PDE3A: variants seen among roughly 807,000 people sequenced by gnomAD.
The protein encoded by PDE3A is phosphodiesterase 3A, also known as cGMP-inhibited 3',5'-cyclic phosphodiesterase 3A.
In PDE3A, 43 loss-of-function variants were observed where a neutral mutation model predicts 98.3. The ratio of observed to expected loss-of-function variants is 0.44; its 90% CI spans 0.34 to 0.56. The LOEUF (loss-of-function observed/expected upper bound fraction) is 0.56. PDE3A is among the 20% of genes least tolerant of loss of function. PDE3A has a pLI of 0.01. For missense variants in PDE3A, 1,427 were observed against 1,440.7 expected, an observed-to-expected ratio of 0.99 and a Z score of 0.15; for synonymous variants, 663 against 567.9, an observed-to-expected ratio of 1.17 and a Z score of -2.38.
chr12:20,472,537 A>T (rs536327951), intron 1 of PDE3A, among the ~76,000 whole-genome samples: 4 of 152,210 alleles, frequency 2.6e-5, no homozygotes, highest in African/African-American at 7.2e-5. Context: ...CAGTTGTTAA[A>T]TCTGTCTCTG....
chr12:20,370,017 G>C lies in PDE3A; in HGVS notation c.733G>C (p.Gly245Arg). 1 of 1,612,992 alleles carries C rather than the reference G, an allele frequency of 6.2e-7. No homozygotes were observed. Among genetic ancestry groups the C allele is most frequent in the Non-Finnish European group, 8.5e-7 (1 of 1,179,948 alleles). Residue 245 changes from glycine to arginine, a missense_variant, in exon 1 of 16, where the codon GGC (glycine) becomes CGC (arginine). Gly to Arg is a moderately radical substitution (Grantham distance 125, BLOSUM62 -2). This residue lies in a region of PDE3A where 1,012 missense variants were observed against 886.5 expected (regional missense o/e 1.14). Transcript: ENST00000359062. ...AWRPYLAYLAGVLGILLARYV... is the reference protein window; with the variant it reads ...AWRPYLAYLARVLGILLARYV... ...GAGACCTTACCTGGCGTACCTGGCC[G>C]GCGTGCTGGGGATCCTCTTGGCCAG...
chr12:20,501,588 G>C (rs1302377366), intron 1 of PDE3A, among the ~76,000 whole-genome samples: 1 of 152,080 alleles, frequency 6.6e-6, no homozygotes, highest in Non-Finnish European at 1.5e-5. Flanking sequence ...TTCGTAGAGC[G>C]AGGTAGTTAA....
chr12:20,424,676 T>C (rs1051960807), intron 1 of PDE3A, among the ~76,000 whole-genome samples: 8 of 152,228 alleles, frequency 5.3e-5, no homozygotes, highest in African/African-American at 1.9e-4. Context: ...TCAGAATATC[T>C]ACTTACCAGA....
Position 20,431,089 on chromosome 12 carries a change from A to AG in PDE3A, c.960+60845_960+60846insG, listed in dbSNP as rs1591924423. ...CTCAGTTTGTCTCATTTGTGGGAAG[A>AG]AATATTATCTGCCCGTCTTTATTAC... On this transcript the variant is annotated intron_variant, in intron 1 of 15. Coordinates refer to ENST00000359062, the MANE Select transcript of PDE3A (RefSeq NM_000921.5). Among the ~76,000 whole-genome samples the AG allele has an allele frequency of 5.9e-5, 9 of 152,236 alleles. No homozygotes were observed. The East Asian group carries it at 1.5e-3, about 26-fold the overall frequency.
chr12:20,403,726 A>C (rs1342405861), intron 1 of PDE3A, among the ~76,000 whole-genome samples: 2 of 152,282 alleles, frequency 1.3e-5, no homozygotes, highest in African/African-American at 2.4e-5. Flanking sequence ...AGGCCTCCCC[A>C]AAATTTTTAT....
intron 1 of PDE3A, among the ~76,000 whole-genome samples, chr12:20,514,823 C>A (rs562995319): frequency 2.0e-5 from 3 of 152,326 alleles, no homozygotes; most frequent in African/African-American, 7.2e-5. Context: ...TGGCATGTGA[C>A]CTAACCCAAG....
chr12:20,516,590 G>A (rs1320587144), intron 1 of PDE3A, among the ~76,000 whole-genome samples: 1 of 152,128 alleles, frequency 6.6e-6, no homozygotes, highest in Non-Finnish European at 1.5e-5. Flanking sequence ...GCATTCTCAA[G>A]TTATTTTCTA....
At chr12:20,671,200 A>G (rs1297299537) in intron 15 of PDE3A, among the ~76,000 whole-genome samples, 2 of 148,064 alleles carry the variant, frequency 1.4e-5, no homozygotes, top group African/African-American at 5.2e-5. Context: ...AATTGTGGCA[A>G]TAATCAATAG....
At chr12:20,432,507 T>C (rs1482437738) in intron 1 of PDE3A, among the ~76,000 whole-genome samples, 3 of 152,178 alleles carry the variant, frequency 2.0e-5, no homozygotes, top group Non-Finnish European at 2.9e-5. Context: ...GATAGGTTTA[T>C]GGCACAGATT....
rs55780939 is a variant in PDE3A at position 20,453,173 on chromosome 12, CT to C, written c.960+82947del. The stretch of plus-strand genomic sequence containing the variant: ...GTTTTGGATGACAAACTTGATAATG[CT>C]TTTTTTTTTTTTTTTTTGAGACTGA... On this transcript the variant is annotated intron_variant, in intron 1 of 15. Coordinates refer to ENST00000359062, the MANE Select transcript of PDE3A (RefSeq NM_000921.5). 5.2e-3 allele frequency among the ~76,000 whole-genome samples: 644 copies of C among 124,588 alleles called. 5 individuals are homozygous for C. The highest frequency in any genetic ancestry group is 0.015 in the African/African-American group (505 of 33,004). The allele number at this position is 124,588 out of a possible 152,430, so 81.7% of individuals were successfully genotyped here. A position where few individuals can be genotyped will look rare whatever the true frequency, so the allele number is the denominator to read the frequency against.
At chr12:20,593,930 T>G (rs1379606679) in intron 2 of PDE3A, among the ~76,000 whole-genome samples, 1 of 152,068 alleles carries the variant, frequency 6.6e-6, no homozygotes, top group Non-Finnish European at 1.5e-5. Context: ...ACAGTGAGTT[T>G]GTTCTCAGGC....
At chr12:20,486,940 C>G (rs1033773153) in intron 1 of PDE3A, among the ~76,000 whole-genome samples, 2 of 152,114 alleles carry the variant, frequency 1.3e-5, no homozygotes, top group African/African-American at 4.8e-5. Flanking sequence ...GGCTTAATCA[C>G]AGATATTAAA....
chr12:20,407,072 T>C (rs368332342), intron 1 of PDE3A, among the ~76,000 whole-genome samples: 1 of 152,232 alleles, frequency 6.6e-6, no homozygotes, highest in Non-Finnish European at 1.5e-5. Context: ...TCCTGTCTTA[T>C]GCTGCTTTTC....
chr12:20,604,325 T>TC (rs1353658424), intron 2 of PDE3A, among the ~76,000 whole-genome samples: 1 of 152,158 alleles, frequency 6.6e-6, no homozygotes, highest in South Asian at 2.1e-4. Flanking sequence ...GGTTCTTGCC[T>TC]CCTTAAAGAC....
rs752520180 is a variant in PDE3A, at chr12:20,650,584, A to G, written c.2909A>G (p.Asn970Ser). 14 of 1,610,022 alleles carry G rather than the reference A, an allele frequency of 8.7e-6. No homozygotes were observed. The East Asian group carries it at 2.9e-4, about 33-fold the overall frequency. The stretch of plus-strand genomic sequence containing the variant: ...CTTCAGTGGACAGATGGTATTGTCA[A>G]TGAATTTTATGAACAGGTAACTGAC... ...LHLQWTDGIV[N>S]EFYEQGDEEA... Residue 970 changes from asparagine to serine, a missense_variant, in exon 14 of 16, where the codon AAT (asparagine) becomes AGT (serine). Physicochemically the swap from Asn to Ser is conservative, Grantham distance 46 (BLOSUM62 1). Around this residue, in one of 3 missense-constraint regions of PDE3A, gnomAD observed 273 missense variants for 420.3 expected, o/e 0.65. Transcript: ENST00000359062.
chr12:20,453,173 C>T (rs114050611), intron 1 of PDE3A, among the ~76,000 whole-genome samples: 1,284 of 124,606 alleles, frequency 0.01, 21 homozygotes, highest in African/African-American at 0.037. Flanking sequence ...CTTGATAATG[C>T]TTTTTTTTTT....
rs1945925900 is a variant in PDE3A, at chr12:20,685,287, C to T, written c.*5016C>T. 6.6e-6 allele frequency among the ~76,000 whole-genome samples: 1 copy of T among 151,414 alleles called. No homozygotes were observed. Among genetic ancestry groups the T allele is most frequent in the African/African-American group, 2.4e-5 (1 of 41,190 alleles). On this transcript the variant is annotated 3_prime_UTR_variant, in exon 16 of 16. Transcript: ENST00000359062. The stretch of plus-strand genomic sequence containing the variant: ...ATGATTCAGGTGTGGTGGCGCATGT[C>T]TGTAATCCCAGCTACCCAGGAGGCT...
chr12:20,488,693 A>G (rs1945773701), intron 1 of PDE3A, among the ~76,000 whole-genome samples: 1 of 152,014 alleles, frequency 6.6e-6, no homozygotes, highest in African/African-American at 2.4e-5. Context: ...ACAAAATAAC[A>G]ATAACAACAA....
intron 1 of PDE3A, among the ~76,000 whole-genome samples, chr12:20,485,971 C>T (rs1945720635): frequency 6.6e-6 from 1 of 152,152 alleles, no homozygotes; most frequent in African/African-American, 2.4e-5. Flanking sequence ...TTGGATGCCA[C>T]GGCTTGAGGT....
Sources: gnomAD v4.1 joint callset for allele counts (sites outside exome capture counted in the v4.1 genomes callset) on GRCh38, gnomAD v4.1.1 for gene constraint, gnomAD v4.1.1 regional missense constraint, MANE v1.5 for transcripts, NCBI Gene and HGNC (gene_info 2026-07-23, HGNC 2026-07-21) for gene names.